The following KCNIP4 variants were observed in gnomAD, a reference collection of about 807,000 sequenced individuals.
KCNIP4 encodes potassium voltage-gated channel interacting protein 4, also known as Kv channel-interacting protein 4.
In KCNIP4, 12 loss-of-function variants were observed where a neutral mutation model predicts 34.0. The ratio of observed to expected loss-of-function variants is 0.35; its 90% CI spans 0.23 to 0.57. The LOEUF is 0.57. KCNIP4 is among the 20% of genes least tolerant of loss of function. The pLI, the probability that KCNIP4 is intolerant of heterozygous loss-of-function variation, is 0.83. For missense variants in KCNIP4, 238 were observed against 311.7 expected (o/e 0.76, Z 1.78); for synonymous variants, 124 against 102.2 (o/e 1.21, Z -1.29).
chr4:21,038,454 C>A (rs181682031), intron 1 of KCNIP4, among the ~76,000 whole-genome samples: 3 of 152,258 alleles, frequency 2.0e-5, no homozygotes, highest in Admixed American at 2.0e-4. Context: ...TACCAACAGT[C>A]TCATGAGGCT....
chr4:21,548,260 T>C (rs931725342), intron 1 of KCNIP4, among the ~76,000 whole-genome samples: 1 of 152,134 alleles, frequency 6.6e-6, no homozygotes, highest in African/African-American at 2.4e-5. Context: ...TTTCAGATTA[T>C]GGATATTCAA....
intron 1 of KCNIP4, among the ~76,000 whole-genome samples, chr4:21,404,199 C>T (rs1723783101): frequency 6.6e-6 from 1 of 152,134 alleles, no homozygotes; most frequent in Non-Finnish European, 1.5e-5. Flanking sequence ...TACATTTGTC[C>T]CTTGCATCCT....
chr4:21,397,728 G>T (rs904633284), intron 1 of KCNIP4, among the ~76,000 whole-genome samples: 2 of 152,106 alleles, frequency 1.3e-5, no homozygotes, highest in African/African-American at 4.8e-5. Flanking sequence ...GCTAAATATG[G>T]CAATAGACCA....
intron 1 of KCNIP4, among the ~76,000 whole-genome samples, chr4:21,095,959 C>T (rs1393403753): frequency 6.6e-6 from 1 of 152,144 alleles, no homozygotes; most frequent in Non-Finnish European, 1.5e-5. Context: ...AATCCTAATA[C>T]ATAATGTATA....
chr4:21,550,871 A>T (rs1283918686), intron 1 of KCNIP4, among the ~76,000 whole-genome samples: 1 of 152,098 alleles, frequency 6.6e-6, no homozygotes, highest in African/African-American at 2.4e-5. Context: ...AGCCAGCATG[A>T]CACAGTGCCA....
chr4:21,062,758 T>C (rs1005492897), intron 1 of KCNIP4, among the ~76,000 whole-genome samples: 2 of 152,126 alleles, frequency 1.3e-5, no homozygotes, highest in African/African-American at 2.4e-5. Context: ...GAAGAGCTGA[T>C]GTTTCAGTTT....
chr4:21,419,132 G>A (rs532570976), intron 1 of KCNIP4, among the ~76,000 whole-genome samples: 2 of 152,240 alleles, frequency 1.3e-5, no homozygotes, highest in South Asian at 4.1e-4. Flanking sequence ...TTGCCATTCT[G>A]CCATATTATA....
At chr4:21,183,702 C>G (rs1203226606) in intron 1 of KCNIP4, among the ~76,000 whole-genome samples, 9 of 152,034 alleles carry the variant, frequency 5.9e-5, no homozygotes, top group Non-Finnish European at 1.3e-4. Flanking sequence ...TGTTCCCCCC[C>G]ATTCTTGTTC....
intron 1 of KCNIP4, among the ~76,000 whole-genome samples, chr4:21,868,770 T>C (rs1725581101): frequency 6.6e-6 from 1 of 152,172 alleles, no homozygotes; most frequent in Admixed American, 6.6e-5. Context: ...AGAAAACATT[T>C]ACAAAGGCAG....
intron 4 of KCNIP4, among the ~76,000 whole-genome samples, chr4:20,754,973 C>G (rs1284865551): frequency 6.6e-6 from 1 of 152,048 alleles, no homozygotes; most frequent in Non-Finnish European, 1.5e-5. Context: ...TTTAAAAAAT[C>G]CATGGGTTTT....
At chr4:20,979,399 CTT>C (rs762394597) in intron 1 of KCNIP4, among the ~76,000 whole-genome samples, 17 of 133,276 alleles carry the variant, frequency 1.3e-4, no homozygotes, top group Admixed American at 2.3e-4. Context: ...CACTTTCTTT[CTT>C]TTTTTTTTTT....
At position 20,916,330 on chromosome 4, in the gene KCNIP4, C is replaced by T. The variant is rs551393296; in HGVS notation, c.62-33621G>A. ...CTTTTTAGAAGTGTTTACCTCTTTG[C>T]AGTTGTTATGGTGCACTTGCCTCAT... On this transcript the variant is annotated intron_variant, in intron 1 of 8. Transcript: ENST00000382152. 25 of 982,098 alleles carry T rather than the reference C, an allele frequency of 2.5e-5. No homozygotes were observed. The East Asian group carries it at 2.8e-3, about 112-fold the overall frequency. 60.8% of individuals were successfully genotyped at this position (982,098 alleles called of 1,614,324 possible).
intron 1 of KCNIP4, among the ~76,000 whole-genome samples, chr4:21,131,203 C>T (rs1751043028): frequency 6.6e-6 from 1 of 152,154 alleles, no homozygotes; most frequent in South Asian, 2.1e-4. Flanking sequence ...GGCATAGACA[C>T]ACATAGGATA....
intron 1 of KCNIP4, among the ~76,000 whole-genome samples, chr4:21,258,678 G>A (rs1761242486): frequency 6.6e-6 from 1 of 152,082 alleles, no homozygotes. Flanking sequence ...TGAATTACTT[G>A]AAGAAGGCAA....
chr4:21,221,154 A>C (rs1757953352), intron 1 of KCNIP4, among the ~76,000 whole-genome samples: 1 of 152,080 alleles, frequency 6.6e-6, no homozygotes, highest in Non-Finnish European at 1.5e-5. Flanking sequence ...TCATTGTTCA[A>C]ATGTTTCTTT....
At chr4:21,237,250 C>A (rs796171817) in intron 1 of KCNIP4, among the ~76,000 whole-genome samples, 1 of 152,128 alleles carries the variant, frequency 6.6e-6, no homozygotes, top group East Asian at 1.9e-4. Context: ...GAGATATAAA[C>A]GAAACAAGTT....
chr4:20,882,676 C>T lies in KCNIP4; in HGVS notation c.95G>A (p.Ser32Asn). The change falls in exon 2 of 9, where the codon AGC becomes AAC. Residue 32 changes from serine to asparagine, a missense_variant. By Grantham distance (46) the Ser-to-Asn change is conservative (BLOSUM62 1). Coordinates refer to ENST00000382152, the MANE Select transcript of KCNIP4 (RefSeq NM_025221.6). ...GAGCTTCATGAGCCGCTCTTTAATG[C>T]TGCGCTTGGTGCTGTTCTGAGCGTA... The part of the protein sequence containing the change: ...FLYAQNSTKR[S>N]IKERLMKLLP... The T allele has an allele frequency of 2.5e-6, 4 of 1,613,356 alleles. No homozygotes were observed. Among genetic ancestry groups the T allele is most frequent in the Non-Finnish European group, 3.4e-6 (4 of 1,179,814 alleles).
intron 1 of KCNIP4, among the ~76,000 whole-genome samples, chr4:21,731,353 T>A (rs1339612121): frequency 6.6e-6 from 1 of 152,082 alleles, no homozygotes; most frequent in Non-Finnish European, 1.5e-5. Flanking sequence ...TCTCACAATG[T>A]TTAGACATAC....
intron 3 of KCNIP4, among the ~76,000 whole-genome samples, chr4:20,815,296 G>A (rs1716238811): frequency 6.6e-6 from 1 of 152,082 alleles, no homozygotes; most frequent in African/African-American, 2.4e-5. Context: ...ATAGAATGAT[G>A]TCTACCATAA....
Sources: gnomAD v4.1 joint callset for allele counts (sites outside exome capture counted in the v4.1 genomes callset) on GRCh38, gnomAD v4.1.1 for gene constraint, MANE v1.5 for transcripts, NCBI Gene and HGNC (gene_info 2026-07-23, HGNC 2026-07-21) for gene names.